FOXP1: variants seen among roughly 807,000 people sequenced by gnomAD.
FOXP1 encodes forkhead box protein P1.
A neutral mutation model predicts 98.2 loss-of-function variants in FOXP1; 15 were observed. The ratio of observed to expected loss-of-function variants is 0.15; its 90% confidence interval spans 0.10 to 0.24. The LOEUF is 0.24. Ranked by LOEUF, FOXP1 falls within the 10% of genes least tolerant of loss-of-function variation. The pLI, the probability that FOXP1 is intolerant of heterozygous loss-of-function variation, is 1.00. For synonymous variants in FOXP1, 371 were observed against 314.5 expected (o/e 1.18, Z -1.90); for missense variants, 633 against 848.5 (o/e 0.75, Z 3.15).
At chr3:71,459,417 A>G (rs1330533582) in intron 3 of FOXP1, among the ~76,000 whole-genome samples, 1 of 152,234 alleles carries the variant, frequency 6.6e-6, no homozygotes, top group Admixed American at 6.5e-5. Context: ...GACATCTAGC[A>G]GTTAAGAAGT....
At chr3:71,312,000 C>T (rs2074721045) in intron 4 of FOXP1, among the ~76,000 whole-genome samples, 1 of 152,188 alleles carries the variant, frequency 6.6e-6, no homozygotes, top group African/African-American at 2.4e-5. Context: ...TTTAGAAAAG[C>T]CTACGTAATT....
intron 11 of FOXP1, among the ~76,000 whole-genome samples, chr3:71,026,809 G>A (rs2046180203): frequency 6.6e-6 from 1 of 152,214 alleles, no homozygotes; most frequent in Non-Finnish European, 1.5e-5. Context: ...GGAGAACGGA[G>A]CAGAGAATCA....
intron 3 of FOXP1, among the ~76,000 whole-genome samples, chr3:71,446,740 G>A (rs1339783167): frequency 6.6e-6 from 1 of 152,222 alleles, no homozygotes; most frequent in African/African-American, 2.4e-5. Context: ...GTTTAGATGG[G>A]ATGCACAGCT....
chr3:70,997,617 T>C (rs1277860339), intron 13 of FOXP1, among the ~76,000 whole-genome samples: 1 of 152,208 alleles, frequency 6.6e-6, no homozygotes, highest in Non-Finnish European at 1.5e-5. Flanking sequence ...TTGGCCCCTT[T>C]CTAGCACTGA....
intron 3 of FOXP1, among the ~76,000 whole-genome samples, chr3:71,377,630 T>C (rs2079821286): frequency 6.6e-6 from 1 of 152,194 alleles, no homozygotes; most frequent in Non-Finnish European, 1.5e-5. Context: ...GGTAATTATT[T>C]AACAACTATA....
intron 19 of FOXP1, chr3:70,966,336 G>A (rs886126099): frequency 1.1e-5 from 5 of 455,438 alleles, no homozygotes; most frequent in African/African-American, 4.0e-5. Context: ...TGGTTTAGAC[G>A]GGCTTTCGAA....
intron 3 of FOXP1, among the ~76,000 whole-genome samples, chr3:71,442,390 A>T (rs572052284): frequency 6.6e-6 from 1 of 152,136 alleles, no homozygotes; most frequent in Non-Finnish European, 1.5e-5. Context: ...AAAAAAAAAA[A>T]AAACCACATT....
At chr3:71,039,078 C>A (rs528547707) in intron 11 of FOXP1, among the ~76,000 whole-genome samples, 2 of 152,038 alleles carry the variant, frequency 1.3e-5, no homozygotes, top group East Asian at 3.9e-4. Flanking sequence ...CTGGAATTTT[C>A]TTTTAATCCA....
chr3:71,205,032 T>G (rs1231810359), intron 5 of FOXP1, among the ~76,000 whole-genome samples: 3 of 152,158 alleles, frequency 2.0e-5, no homozygotes, highest in African/African-American at 7.2e-5. Flanking sequence ...GGCGTAAATT[T>G]TCTAAAGCAT....
At chr3:71,548,653 C>T (rs1456234503) in intron 2 of FOXP1, among the ~76,000 whole-genome samples, 1 of 152,162 alleles carries the variant, frequency 6.6e-6, no homozygotes, top group Non-Finnish European at 1.5e-5. Flanking sequence ...CCTGCCTTGG[C>T]CTTCCAAGGT....
intron 6 of FOXP1, among the ~76,000 whole-genome samples, chr3:71,145,539 C>A (rs1447230062): frequency 2.0e-5 from 3 of 152,078 alleles, no homozygotes; most frequent in Non-Finnish European, 2.9e-5. Context: ...GAGACTCCAT[C>A]TCAAAAAAAC....
rs1002930964 is a variant in FOXP1 at position 70,957,489 on chromosome 3, A to T, written c.*1758T>A. 1 of 230,886 alleles carries T rather than the reference A, an allele frequency of 4.3e-6. No homozygotes were observed. The highest frequency in any genetic ancestry group is 8.6e-6 in the Non-Finnish European group (1 of 116,456). The allele number at this position is 230,886 out of a possible 1,614,324, so 14.3% of individuals were successfully genotyped here. A position where few individuals can be genotyped will look rare whatever the true frequency, so the allele number is the denominator to read the frequency against. ...TCAGATAAAGCATAAAACAGAGAACATAATTTACCTTTGTGTAATATCTTT... is the reference window on the plus strand; with the variant it reads ...TCAGATAAAGCATAAAACAGAGAACTTAATTTACCTTTGTGTAATATCTTT... On this transcript the variant is annotated 3_prime_UTR_variant, in exon 21 of 21. Transcript: ENST00000649528.
chr3:71,552,882 G>A (rs1418023608), intron 2 of FOXP1, among the ~76,000 whole-genome samples: 1 of 151,970 alleles, frequency 6.6e-6, no homozygotes, highest in Non-Finnish European at 1.5e-5. Flanking sequence ...AATCTTCTTA[G>A]TACATACACC....
chr3:71,445,329 T>C (rs1366747198), intron 3 of FOXP1, among the ~76,000 whole-genome samples: 1 of 152,166 alleles, frequency 6.6e-6, no homozygotes, highest in Non-Finnish European at 1.5e-5. Context: ...CACACACATC[T>C]CCAGCAATGT....
At chr3:71,175,074 C>T (rs898028637) in intron 6 of FOXP1, among the ~76,000 whole-genome samples, 5 of 151,956 alleles carry the variant, frequency 3.3e-5, no homozygotes. Flanking sequence ...CACCACGCCT[C>T]GCTAATTTTT....
intron 5 of FOXP1, among the ~76,000 whole-genome samples, chr3:71,266,641 C>T (rs932346551): frequency 2.0e-5 from 3 of 152,110 alleles, no homozygotes; most frequent in Non-Finnish European, 4.4e-5. Context: ...AGATTTATTG[C>T]ATAATGCTGA....
chr3:71,268,093 TTTTTTTTTTTTTTTTG>T (rs1281505176), intron 5 of FOXP1, among the ~76,000 whole-genome samples: 1 of 140,088 alleles, frequency 7.1e-6, no homozygotes, highest in Non-Finnish European at 1.6e-5. Flanking sequence ...TTCTTTTCTT[TTTTTTTTTTTTTTTTG>T]AGACAGAGTC....
intron 10 of FOXP1, among the ~76,000 whole-genome samples, chr3:71,043,139 C>A (rs956719733): frequency 6.6e-5 from 10 of 152,154 alleles, no homozygotes; most frequent in African/African-American, 2.4e-4. Context: ...TGTTCAAATG[C>A]TCAAGCATTT....
chr3:71,447,757 C>T (rs1203883016), intron 3 of FOXP1, among the ~76,000 whole-genome samples: 4 of 152,148 alleles, frequency 2.6e-5, no homozygotes, highest in Non-Finnish European at 5.9e-5. Context: ...TTTTATTAAA[C>T]TTGAATACTC....
Sources: gnomAD v4.1 joint callset for allele counts (sites outside exome capture counted in the v4.1 genomes callset) on GRCh38, gnomAD v4.1.1 for gene constraint, MANE v1.5 for transcripts, NCBI Gene and HGNC (gene_info 2026-07-23, HGNC 2026-07-21) for gene names.